KYNU: variants seen among roughly 807,000 people sequenced by gnomAD.
KYNU encodes kynureninase.
Under a neutral mutation model 59.2 loss-of-function variants are expected in KYNU, and 54 were observed. The ratio of observed to expected loss-of-function variants is 0.91; its 90% CI spans 0.73 to 1.14. KYNU has a LOEUF of 1.14. KYNU is among the 50% of genes most tolerant of loss of function. The probability of loss-of-function intolerance (pLI) is 0.00; values close to 1 mark genes in which losing one functional copy is unlikely to be tolerated. For missense variants in KYNU, 567 were observed against 554.4 expected (o/e 1.02, Z -0.23); for synonymous variants, 177 against 192.0 (o/e 0.92, Z 0.65).
In KYNU at chr2:142,989,530, CGA is replaced by C. The variant is rs1685327742; in HGVS notation, c.902+3510_902+3511del. The C allele has an allele frequency of 7.2e-6, 7 of 973,376 alleles. 1 individual carries two copies. In the South Asian group the frequency reaches 3.3e-4, roughly 46 times the overall value. 60.3% of individuals were successfully genotyped at this position (973,376 alleles called of 1,614,324 possible). A position where few individuals can be genotyped will look rare whatever the true frequency, so the allele number is the denominator to read the frequency against. On this transcript the variant is annotated intron_variant, in intron 10 of 13. Coordinates refer to ENST00000264170, the MANE Select transcript of KYNU (RefSeq NM_003937.3). The stretch of plus-strand genomic sequence containing the variant: ...ACATGTTATTTCAAATAAATAATAT[CGA>C]AATAACATTTCTTCTCATGGTCCAC...
At chr2:142,947,169 A>T (rs1683817219) in intron 4 of KYNU, 1 of 1,551,110 alleles carries the variant, frequency 6.4e-7, no homozygotes, top group African/African-American at 1.4e-5. Flanking sequence ...TGTAATCTTA[A>T]GTCATCTTGC....
chr2:143,032,171 G>A (rs775054179), intron 11 of KYNU, among the ~76,000 whole-genome samples: 6 of 152,170 alleles, frequency 3.9e-5, no homozygotes, highest in Admixed American at 1.3e-4. Context: ...CCAGCTACTC[G>A]GAAAGCTGAG....
At chr2:142,972,015 T>G (rs527681202) in intron 8 of KYNU, among the ~76,000 whole-genome samples, 2 of 152,266 alleles carry the variant, frequency 1.3e-5, no homozygotes, top group African/African-American at 2.4e-5. Flanking sequence ...CCATCTTGAG[T>G]CTCAGAAATA....
rs148887211 is a variant in KYNU at position 142,923,070 on chromosome 2, C to T, written c.290+4341C>T. ...GGTACTAATCCCATTCATGAGGGCT[C>T]TGCCCTTATGACTGAATCACCTCCT... On this transcript the variant is annotated intron_variant, in intron 3 of 13. Transcript: ENST00000264170. Among the ~76,000 whole-genome samples, 3 of 152,310 alleles carry T rather than the reference C, an allele frequency of 2.0e-5. No homozygotes were observed. In the East Asian group the frequency reaches 5.8e-4, roughly 29 times the overall value.
chr2:143,003,572 ACT>A (rs757480229), intron 10 of KYNU, among the ~76,000 whole-genome samples: 37 of 152,194 alleles, frequency 2.4e-4, no homozygotes, highest in African/African-American at 8.0e-4. Flanking sequence ...GCAGAGTGAG[ACT>A]CTGTCTGAAA....
chr2:142,997,268 T>C (rs1685571400), intron 10 of KYNU, among the ~76,000 whole-genome samples: 1 of 152,194 alleles, frequency 6.6e-6, no homozygotes, highest in African/African-American at 2.4e-5. Context: ...AAGTTTTGAC[T>C]CTATGAACCC....
intron 2 of KYNU, among the ~76,000 whole-genome samples, chr2:142,915,446 G>A (rs769688937): frequency 9.2e-5 from 14 of 152,156 alleles, no homozygotes; most frequent in Admixed American, 2.0e-4. Flanking sequence ...GCAGTTTCCT[G>A]AACTTAAGTC....
chr2:143,020,095 A>G (rs1343046390), intron 10 of KYNU, among the ~76,000 whole-genome samples: 1 of 151,076 alleles, frequency 6.6e-6, no homozygotes, highest in Non-Finnish European at 1.5e-5. Flanking sequence ...TTGATCTTTT[A>G]TATTTGTTTT....
At position 142,956,669 on chromosome 2, in the gene KYNU, G is replaced by C. The variant is rs1004055421; in HGVS notation, c.507+395G>C. ...AGGAATATAAACTTTTATTTGTCCA[G>C]TGTGTTTTCATAGCATGCTAGCATA... On this transcript the variant is annotated intron_variant, in intron 6 of 13. Transcript: ENST00000264170. Among the ~76,000 whole-genome samples the C allele has an allele frequency of 2.0e-5, 3 of 152,206 alleles. No homozygotes were observed. The East Asian group carries it at 5.8e-4, about 29-fold the overall frequency.
intron 10 of KYNU, chr2:142,989,812 A>G (rs2105169731): frequency 6.6e-6 from 1 of 151,928 alleles, no homozygotes; most frequent in East Asian, 2.0e-4. Context: ...TGGTGTAGAG[A>G]GTGTATCCCC....
At chr2:142,966,916 G>T (rs981929568) in intron 8 of KYNU, among the ~76,000 whole-genome samples, 2 of 151,362 alleles carry the variant, frequency 1.3e-5, no homozygotes, top group East Asian at 3.9e-4. Flanking sequence ...TTTTTAGGCA[G>T]AAAGTGAAAT....
rs60214522 is a variant in KYNU at position 142,898,871 on chromosome 2, C to A, written c.169+13335C>A. On this transcript the variant is annotated intron_variant, in intron 2 of 13. Coordinates refer to ENST00000264170, the MANE Select transcript of KYNU (RefSeq NM_003937.3). Reference sequence around the variant, plus strand: ...CACGGAAGAAAACCATGGAACCCAGCGACTAGTGTTCAGCTTGATTAGGAT... The same window carrying A: ...CACGGAAGAAAACCATGGAACCCAGAGACTAGTGTTCAGCTTGATTAGGAT... Among the ~76,000 whole-genome samples the A allele has an allele frequency of 1.9e-4, 29 of 152,218 alleles. No individual in the cohort carries two copies. In the East Asian group the frequency reaches 5.2e-3, roughly 27 times the overall value.
chr2:143,015,936 G>A (rs971903842), intron 10 of KYNU, among the ~76,000 whole-genome samples: 7 of 152,124 alleles, frequency 4.6e-5, no homozygotes, highest in Non-Finnish European at 7.4e-5. Flanking sequence ...GAGTAATGCC[G>A]GAGGCATGTC....
intron 7 of KYNU, 34 bp downstream of exon 7, chr2:142,957,749 T>A (rs770316638): frequency 7.8e-7 from 1 of 1,286,660 alleles, no homozygotes; most frequent in Admixed American, 1.7e-5. Flanking sequence ...TTGTCATGCT[T>A]TGTTTAGTAT....
rs772449282 is a variant in KYNU at position 142,960,629 on chromosome 2, A to G, written c.588A>G (p.Glu196=). The change falls in exon 8 of 14, where the codon GAA becomes GAG. Residue 196 remains glutamate, a synonymous_variant. Transcript: ENST00000264170. The part of the protein sequence containing the change: ...SMRMIKPREG[E]ETLRIEDILE... Reference sequence around the variant, plus strand: ...TTGTGCCTAACTTGATTTAGGGGGAAGAAACCTTAAGAATAGAGGATATCC... The same window carrying G: ...TTGTGCCTAACTTGATTTAGGGGGAGGAAACCTTAAGAATAGAGGATATCC... 3.7e-6 allele frequency: 6 copies of G among 1,613,428 alleles called. No individual in the cohort carries two copies. Among genetic ancestry groups the G allele is most frequent in the Middle Eastern group, 1.6e-4 (1 of 6,080 alleles).
intron 8 of KYNU, among the ~76,000 whole-genome samples, chr2:142,964,123 T>G (rs1028629405): frequency 3.3e-5 from 5 of 152,156 alleles, no homozygotes; most frequent in South Asian, 4.1e-4. Context: ...TTGTTTGTTT[T>G]TTTTTTCTAT....
At chr2:142,928,701 C>T (rs943411394) in intron 4 of KYNU, among the ~76,000 whole-genome samples, 8 of 151,972 alleles carry the variant, frequency 5.3e-5, no homozygotes, top group East Asian at 1.9e-4. Flanking sequence ...CTTGTGGGAG[C>T]TCTGAGGACA....
chr2:142,883,361 A>AT (rs899475113), intron 1 of KYNU, among the ~76,000 whole-genome samples: 32 of 147,028 alleles, frequency 2.2e-4, no homozygotes, highest in Middle Eastern at 3.2e-3. Flanking sequence ...CGCACGGCTA[A>AT]TTTTTTTTTT....
intron 10 of KYNU, among the ~76,000 whole-genome samples, chr2:143,004,853 A>G (rs1685823348): frequency 6.6e-6 from 1 of 152,186 alleles, no homozygotes; most frequent in Admixed American, 6.5e-5. Flanking sequence ...TGTCACCTGG[A>G]GGGAAGTTAA....
Sources: allele counts gnomAD v4.1 joint callset (sites outside exome capture counted in the v4.1 genomes callset), GRCh38; gene constraint gnomAD v4.1.1; transcripts MANE v1.5; gene names NCBI Gene and HGNC (gene_info 2026-07-23, HGNC 2026-07-21).